The following MUCL1 variants were observed in gnomAD, a reference collection of about 807,000 sequenced individuals.
The protein encoded by MUCL1 is mucin like 1, also known as mucin-like protein 1.
Under a neutral mutation model 9.2 loss-of-function variants are expected in MUCL1, and 11 were observed. That is an observed-to-expected ratio of 1.19 (90% CI 0.75 to 1.97). MUCL1 has a LOEUF of 1.97. Among genes scored for constraint, MUCL1 ranks in the 30% most tolerant of loss-of-function variants. The pLI, the probability that MUCL1 is intolerant of heterozygous loss-of-function variation, is 0.00. For synonymous variants in MUCL1, 48 were observed against 40.5 expected, an observed-to-expected ratio of 1.19 and a Z score of -0.71; for missense variants, 144 against 110.9, an observed-to-expected ratio of 1.30 and a Z score of -1.34.
At chr12:54,856,959 T>C (rs1868305775) in intron 3 of MUCL1, 67 bp downstream of exon 3, 1 of 1,602,280 alleles carries the variant, frequency 6.2e-7, no homozygotes, top group Non-Finnish European at 8.5e-7. Flanking sequence ...TTCTCTATTC[T>C]CACAGAGACT....
At chr12:54,837,677 G>A (rs958437899), upstream of MUCL1, among the ~76,000 whole-genome samples, 5 of 152,168 alleles carry the variant, frequency 3.3e-5, no homozygotes, top group Admixed American at 6.5e-5. Context: ...GCTGAGGCAG[G>A]AGAATGGCGT....
upstream of MUCL1, among the ~76,000 whole-genome samples, chr12:54,837,125 T>C (rs1381635081): frequency 6.6e-6 from 1 of 152,150 alleles, no homozygotes; most frequent in Non-Finnish European, 1.5e-5. Flanking sequence ...TTAAGTCCAG[T>C]GTTTCTTTGT....
chr12:54,851,382 A>G (rs190495366), upstream of MUCL1, among the ~76,000 whole-genome samples: 213 of 152,336 alleles, frequency 1.4e-3, 4 homozygotes, highest in South Asian at 0.022. Context: ...GTAATCCAGC[A>G]TATAAACAGA....
intron 1 of MUCL1, among the ~76,000 whole-genome samples, chr12:54,834,292 A>T (rs575781947): frequency 6.6e-6 from 1 of 152,148 alleles, no homozygotes; most frequent in East Asian, 1.9e-4. Context: ...TTTGCCTTTT[A>T]TATGAATCTT....
chr12:54,839,298 T>C (rs1592245835), upstream of MUCL1: 5 of 688,896 alleles, frequency 7.3e-6, no homozygotes, highest in Non-Finnish European at 1.3e-5. Flanking sequence ...ATGGTGGGGG[T>C]GTCTTGAAGC....
intron 1 of MUCL1, among the ~76,000 whole-genome samples, chr12:54,840,493 G>C (rs1166319922): frequency 6.6e-6 from 1 of 152,212 alleles, no homozygotes; most frequent in Non-Finnish European, 1.5e-5. Context: ...GCTCAGCTGT[G>C]GTGGTAGCAG....
At chr12:54,848,446 A>T (rs7311777) in intron 1 of MUCL1, among the ~76,000 whole-genome samples, 3 of 152,098 alleles carry the variant, frequency 2.0e-5, no homozygotes, top group East Asian at 3.9e-4. Flanking sequence ...TGTTTAATGT[A>T]GAAATTATAA....
rs2135946289 is a variant in MUCL1 at position 54,854,611 on chromosome 12, TGG to T, written c.31_32del (p.Gly11SerfsTer18). The T allele has an allele frequency of 6.2e-7, 1 of 1,613,596 alleles. No individual in the cohort carries two copies. The highest frequency in any genetic ancestry group is 1.3e-5 in the African/African-American group (1 of 75,006). On this transcript the variant is annotated frameshift_variant, in exon 1 of 4. Transcript: ENST00000308796. LOFTEE classifies it high-confidence loss of function. Reference sequence around the variant, plus strand: ...AAGTTCTTAGCAGTCCTGGTACTCTTGGGAGTTTCCATCTTTCTGGTCTCTGC... The same window carrying T: ...AAGTTCTTAGCAGTCCTGGTACTCTTGAGTTTCCATCTTTCTGGTCTCTGC...
upstream of MUCL1, among the ~76,000 whole-genome samples, chr12:54,838,139 C>T (rs1959196326): frequency 6.6e-6 from 1 of 152,200 alleles, no homozygotes; most frequent in African/African-American, 2.4e-5. Context: ...GTGACAAACT[C>T]CCTCAGCATT....
chr12:54,858,356 T>C lies in MUCL1; in HGVS notation c.*114T>C. 1 of 1,298,234 alleles carries C rather than the reference T, an allele frequency of 7.7e-7. No individual in the cohort carries two copies. Among genetic ancestry groups the C allele is most frequent in the South Asian group, 1.3e-5 (1 of 79,200 alleles). 80.4% of individuals were successfully genotyped at this position (1,298,234 alleles called of 1,614,324 possible). A position where few individuals can be genotyped will look rare whatever the true frequency, so the allele number is the denominator to read the frequency against. ...CCCCTTTATCTCTAATCAGTTTATTTTCTTTCAAATAAAAAATAACTATGA... is the reference window on the plus strand; with the variant it reads ...CCCCTTTATCTCTAATCAGTTTATTCTCTTTCAAATAAAAAATAACTATGA... On this transcript the variant is annotated 3_prime_UTR_variant, in exon 4 of 4. Transcript: ENST00000308796.
At chr12:54,847,575 A>G (rs1959275297) in intron 1 of MUCL1, among the ~76,000 whole-genome samples, 1 of 152,224 alleles carries the variant, frequency 6.6e-6, no homozygotes, top group Non-Finnish European at 1.5e-5. Context: ...AGATCACGCC[A>G]TTGCACTCCA....
intron 1 of MUCL1, among the ~76,000 whole-genome samples, chr12:54,845,052 G>A (rs1959236691): frequency 6.6e-6 from 1 of 152,224 alleles, no homozygotes; most frequent in Admixed American, 6.5e-5. Flanking sequence ...GGATCCTTCA[G>A]ACATATTTCT....
At chr12:54,838,887 G>T (rs1351005111), upstream of MUCL1, among the ~76,000 whole-genome samples, 1 of 151,868 alleles carries the variant, frequency 6.6e-6, no homozygotes, top group African/African-American at 2.4e-5. Flanking sequence ...TCCTTGAGTG[G>T]CTTCATAATC....
intron 1 of MUCL1, among the ~76,000 whole-genome samples, chr12:54,841,604 A>C (rs1281141893): frequency 6.6e-6 from 1 of 152,120 alleles, no homozygotes; most frequent in Non-Finnish European, 1.5e-5. Flanking sequence ...GATGTTGAAC[A>C]CCTTTTCAAA....
At chr12:54,835,031 A>G (rs1399740613), upstream of MUCL1, among the ~76,000 whole-genome samples, 1 of 152,196 alleles carries the variant, frequency 6.6e-6, no homozygotes, top group Non-Finnish European at 1.5e-5. Flanking sequence ...TACTTCACTT[A>G]GAATAATGGC....
At chr12:54,846,737 C>T (rs1959262497) in intron 1 of MUCL1, among the ~76,000 whole-genome samples, 1 of 151,256 alleles carries the variant, frequency 6.6e-6, no homozygotes, top group African/African-American at 2.4e-5. Flanking sequence ...ACACAGAGCT[C>T]TGGAAAGAAC....
chr12:54,846,051 G>C (rs1948140), intron 1 of MUCL1, among the ~76,000 whole-genome samples: 2,348 of 152,008 alleles, frequency 0.015, 39 homozygotes, highest in Non-Finnish European at 0.022. Context: ...TCACCACTCA[G>C]TAAAACCTTG....
upstream of MUCL1, among the ~76,000 whole-genome samples, chr12:54,853,985 C>A (rs1170830596): frequency 6.6e-6 from 1 of 152,198 alleles, no homozygotes; most frequent in African/African-American, 2.4e-5. Context: ...TTAGATCATT[C>A]AGTGTTGGAC....
upstream of MUCL1, among the ~76,000 whole-genome samples, chr12:54,853,389 G>C (rs1277227183): frequency 6.6e-6 from 1 of 152,044 alleles, no homozygotes; most frequent in East Asian, 1.9e-4. Context: ...TATGACAAAG[G>C]GCAAGTAGAT....
Sources: allele counts gnomAD v4.1 joint callset (sites outside exome capture counted in the v4.1 genomes callset), GRCh38; gene constraint gnomAD v4.1.1; transcripts MANE v1.5; gene names NCBI Gene and HGNC (gene_info 2026-07-23, HGNC 2026-07-21).